Variants in CDK8 observed in about 807,000 individuals in gnomAD.
CDK8 encodes the protein cyclin dependent kinase 8, also known as cyclin-dependent kinase 8.
In CDK8, 29 loss-of-function variants were observed where a neutral mutation model predicts 71.5. The observed-to-expected ratio is 0.41, with a 90% CI of 0.30 to 0.55. The LOEUF is 0.55. Among genes scored for constraint, CDK8 ranks in the 20% least tolerant of loss-of-function variants. The pLI, the probability that CDK8 is intolerant of heterozygous loss-of-function variation, is 0.37. For synonymous variants in CDK8, 161 were observed against 192.1 expected, an observed-to-expected ratio of 0.84 and a Z score of 1.34; for missense variants, 288 against 572.6, an observed-to-expected ratio of 0.50 and a Z score of 5.07.
intron 1 of CDK8, among the ~76,000 whole-genome samples, chr13:26,296,834 G>A (rs183031831): frequency 3.0e-4 from 46 of 152,146 alleles, no homozygotes; most frequent in Admixed American, 2.4e-3. Context: ...AACTGAGACC[G>A]CCTCCAAATA....
At chr13:26,393,292 C>A (rs2138062726) in intron 6 of CDK8, 75 bp from the exon 7 acceptor site, 1 of 994,818 alleles carries the variant, frequency 1.0e-6, no homozygotes, top group Non-Finnish European at 1.4e-6. Context: ...GAAAGAACCA[C>A]TTTATTTTGC....
intron 1 of CDK8, among the ~76,000 whole-genome samples, chr13:26,329,764 A>G (rs373224731): frequency 6.6e-6 from 1 of 152,104 alleles, no homozygotes. Flanking sequence ...TCGGCCTCCC[A>G]AAGTGCTGGG....
chr13:26,378,771 T>C (rs1188944335), intron 4 of CDK8, among the ~76,000 whole-genome samples: 1 of 152,250 alleles, frequency 6.6e-6, no homozygotes, highest in Non-Finnish European at 1.5e-5. Flanking sequence ...AAGTTACCTC[T>C]AATCACTTCA....
chr13:26,258,600 G>C (rs1222559464), intron 1 of CDK8, among the ~76,000 whole-genome samples: 1 of 151,982 alleles, frequency 6.6e-6, no homozygotes, highest in East Asian at 1.9e-4. Flanking sequence ...ACCTGAATTT[G>C]AATTCAGACT....
At chr13:26,356,391 AT>A (rs1401577521) in intron 4 of CDK8, among the ~76,000 whole-genome samples, 1 of 152,092 alleles carries the variant, frequency 6.6e-6, no homozygotes, top group Non-Finnish European at 1.5e-5. Flanking sequence ...ATCTTCTTTG[AT>A]TTCCATATTT....
intron 5 of CDK8, 42 bp downstream of exon 5, chr13:26,382,913 A>G (rs781129176): frequency 3.4e-5 from 47 of 1,375,470 alleles, no homozygotes; most frequent in Non-Finnish European, 3.6e-5. Context: ...GCACTTTTTT[A>G]AAACTTTTGC....
At chr13:26,335,041 T>C (rs1002297393) in intron 1 of CDK8, among the ~76,000 whole-genome samples, 3 of 152,196 alleles carry the variant, frequency 2.0e-5, no homozygotes, top group African/African-American at 7.2e-5. Flanking sequence ...TCCTATATTG[T>C]TAGCTCTTTT....
At chr13:26,336,850 G>A (rs10220106) in intron 1 of CDK8, among the ~76,000 whole-genome samples, 3,646 of 151,990 alleles carry the variant, frequency 0.024, 143 homozygotes, top group African/African-American at 0.082. Flanking sequence ...CACCGCGCCC[G>A]GCCTCTGAGG....
chr13:26,299,700 G>A (rs1292365869), intron 1 of CDK8, among the ~76,000 whole-genome samples: 1 of 152,096 alleles, frequency 6.6e-6, no homozygotes, highest in East Asian at 1.9e-4. Flanking sequence ...ATATTTTCTT[G>A]TTTCATCTGA....
At chr13:26,402,954 G>A (rs867765893) in intron 12 of CDK8, among the ~76,000 whole-genome samples, 1 of 152,252 alleles carries the variant, frequency 6.6e-6, no homozygotes, top group Middle Eastern at 3.4e-3. Flanking sequence ...GGCAGAATTT[G>A]GAATTATATG....
intron 4 of CDK8, among the ~76,000 whole-genome samples, chr13:26,380,077 G>A (rs1224591317): frequency 1.3e-5 from 2 of 152,170 alleles, no homozygotes; most frequent in Non-Finnish European, 2.9e-5. Flanking sequence ...GGGAAGGCAG[G>A]GCTGCGGGTG....
At chr13:26,337,311 T>C (rs780967107) in intron 1 of CDK8, among the ~76,000 whole-genome samples, 1 of 152,162 alleles carries the variant, frequency 6.6e-6, no homozygotes, top group Non-Finnish European at 1.5e-5. Context: ...AAGCTCTGTA[T>C]CTCAATCTGT....
intron 1 of CDK8, among the ~76,000 whole-genome samples, chr13:26,259,606 GA>G (rs957920671): frequency 1.1e-4 from 17 of 152,260 alleles, no homozygotes; most frequent in African/African-American, 3.8e-4. Flanking sequence ...CCATGTGGTT[GA>G]AGTTACCTAC....
chr13:26,400,522 T>C lies in CDK8; in HGVS notation c.1003T>C (p.Phe335Leu). ...AGAACAGGCTATGCAGGACCCCTAT[T>C]TCTTAGAAGACCCACTTCCTACATC... ...TSEQAMQDPYFLEDPLPTSDV... is the reference protein window; with the variant it reads ...TSEQAMQDPYLLEDPLPTSDV... The change falls in exon 10 of 13, where the codon TTC (phenylalanine) becomes CTC (leucine). Residue 335 changes from phenylalanine to leucine, a missense_variant. Transcript: ENST00000381527. 6.2e-7 allele frequency: 1 copy of C among 1,612,266 alleles called. No homozygotes were observed. Among genetic ancestry groups the C allele is most frequent in the Non-Finnish European group, 8.5e-7 (1 of 1,178,436 alleles).
chr13:26,257,894 T>G (rs914446297), intron 1 of CDK8, among the ~76,000 whole-genome samples: 11 of 148,620 alleles, frequency 7.4e-5, no homozygotes, highest in Non-Finnish European at 1.3e-4. Flanking sequence ...GAGTGTGTGT[T>G]TGTGTGTGTG....
intron 1 of CDK8, among the ~76,000 whole-genome samples, chr13:26,330,689 C>T (rs1434304620): frequency 2.0e-5 from 3 of 151,968 alleles, no homozygotes; most frequent in African/African-American, 4.8e-5. Context: ...TGTCTTTTCG[C>T]GTCTGGCTTA....
At chr13:26,403,833 G>A (rs537332811) in intron 12 of CDK8, 123 bp from the exon 13 acceptor site, 4 of 1,186,142 alleles carry the variant, frequency 3.4e-6, no homozygotes, top group Non-Finnish European at 4.8e-6. Context: ...TATAAAGTTA[G>A]TACATAGCAC....
intron 1 of CDK8, among the ~76,000 whole-genome samples, chr13:26,306,622 C>CTTTTTTTTTTT (rs554661537): frequency 1.6e-5 from 2 of 126,700 alleles, no homozygotes; most frequent in Admixed American, 7.9e-5. Flanking sequence ...CCTTATTGCT[C>CTTTTTTTTTTT]TTTTTTTTTT....
chr13:26,324,669 T>A (rs1874942349), intron 1 of CDK8: 1 of 175,146 alleles, frequency 5.7e-6, no homozygotes, highest in African/African-American at 2.4e-5. Context: ...GTTGCCCATA[T>A]CTTCTAGCAT....
Sources: allele counts gnomAD v4.1 joint callset (sites outside exome capture counted in the v4.1 genomes callset), GRCh38; gene constraint gnomAD v4.1.1; transcripts MANE v1.5; gene names NCBI Gene and HGNC (gene_info 2026-07-23, HGNC 2026-07-21).